Variants in VOPP1 observed in about 807,000 individuals in gnomAD.
VOPP1 encodes the protein VOPP1 WW domain binding protein.
VOPP1 carries 8 observed loss-of-function variants against 23.5 expected under a neutral mutation model. That is an observed-to-expected ratio of 0.34 (90% CI 0.20 to 0.61). The LOEUF is 0.61. Ranked by LOEUF, VOPP1 falls within the 20% of genes least tolerant of loss-of-function variation. VOPP1 has a pLI of 0.78. For synonymous variants in VOPP1, 83 were observed against 97.3 expected (o/e 0.85, Z 0.86); for missense variants, 174 against 238.1 (o/e 0.73, Z 1.77).
At chr7:55,556,030 G>T (rs568807174) in intron 1 of VOPP1, among the ~76,000 whole-genome samples, 1 of 152,208 alleles carries the variant, frequency 6.6e-6, no homozygotes, top group African/African-American at 2.4e-5. Flanking sequence ...GAGAACATGG[G>T]TATGTGCTGG....
intron 3 of VOPP1, among the ~76,000 whole-genome samples, chr7:55,496,511 AG>A (rs1221974298): frequency 1.3e-5 from 2 of 152,202 alleles, no homozygotes; most frequent in Admixed American, 6.5e-5. Context: ...CTCCCTTGTT[AG>A]GGGGGTACAC....
intron 2 of VOPP1, 143 bp downstream of exon 2, chr7:55,520,929 C>T: frequency 1.3e-6 from 1 of 788,848 alleles, no homozygotes; most frequent in East Asian, 2.7e-5. Context: ...ACCTGCTCAT[C>T]CCCCAGTGAG....
chr7:55,465,838 T>A (rs138327564), downstream of VOPP1, among the ~76,000 whole-genome samples: 291 of 152,246 alleles, frequency 1.9e-3, 1 homozygote, highest in African/African-American at 6.6e-3. Flanking sequence ...CACAGTTAGG[T>A]CCACAGGGAC....
chr7:55,561,837 G>T, intron 1 of VOPP1: 2 of 648,576 alleles, frequency 3.1e-6, no homozygotes, highest in Non-Finnish European at 5.6e-6. Context: ...TGCCCAAGTC[G>T]GGGACTTAAC....
chr7:55,467,089 A>G (rs1484568460), downstream of VOPP1, among the ~76,000 whole-genome samples: 1 of 152,180 alleles, frequency 6.6e-6, no homozygotes, highest in East Asian at 1.9e-4. Context: ...TCACATTCCT[A>G]TGGGAATCTA....
At chr7:55,442,627 A>G (rs975757319) in intron 4 of VOPP1, among the ~76,000 whole-genome samples, 6 of 149,728 alleles carry the variant, frequency 4.0e-5, no homozygotes, top group Non-Finnish European at 8.9e-5. Flanking sequence ...TTCTAATGGA[A>G]ATACACACCA....
chr7:55,492,250 G>T, intron 4 of VOPP1, 32 bp downstream of exon 4: 3 of 1,594,214 alleles, frequency 1.9e-6, no homozygotes, highest in Non-Finnish European at 2.6e-6. Flanking sequence ...CACACACTGT[G>T]GGGAGGAGAG....
chr7:55,487,149 A>C (rs1263494904), intron 4 of VOPP1, among the ~76,000 whole-genome samples: 1 of 152,196 alleles, frequency 6.6e-6, no homozygotes, highest in Non-Finnish European at 1.5e-5. Flanking sequence ...TTAAACTGTC[A>C]AAACACCCTC....
At chr7:55,531,736 A>AG (rs1255316353) in intron 1 of VOPP1, among the ~76,000 whole-genome samples, 2 of 152,218 alleles carry the variant, frequency 1.3e-5, no homozygotes, top group Non-Finnish European at 2.9e-5. Flanking sequence ...GCCACCTCCT[A>AG]GTCTATGATT....
chr7:55,437,940 G>T (rs1374709384), intron 4 of VOPP1, among the ~76,000 whole-genome samples: 2 of 150,898 alleles, frequency 1.3e-5, no homozygotes, highest in African/African-American at 4.9e-5. Context: ...TGTCGCCCAG[G>T]CTGGAGTACA....
At chr7:55,555,135 T>C (rs1478022738) in intron 1 of VOPP1, among the ~76,000 whole-genome samples, 2 of 152,170 alleles carry the variant, frequency 1.3e-5, no homozygotes, top group African/African-American at 4.8e-5. Flanking sequence ...GAACCAGTCT[T>C]AAAATAAATT....
At chr7:55,563,243 ATAT>A (rs1194736755) in intron 1 of VOPP1, among the ~76,000 whole-genome samples, 7 of 152,358 alleles carry the variant, frequency 4.6e-5, no homozygotes, top group African/African-American at 1.7e-4. Context: ...GCATAAATAT[ATAT>A]TATTAGAAGA....
intron 1 of VOPP1, chr7:55,552,502 G>C (rs1266527491): frequency 1.5e-5 from 20 of 1,304,022 alleles, no homozygotes; most frequent in Non-Finnish European, 1.8e-5. Context: ...CACTCACACA[G>C]GATGGATCTC....
intron 1 of VOPP1, chr7:55,571,590 T>A (rs1214565686): frequency 6.6e-6 from 1 of 152,142 alleles, no homozygotes; most frequent in Non-Finnish European, 1.5e-5. Context: ...GCAGCCGCGG[T>A]CCCCGCCAGG....
intron 2 of VOPP1, among the ~76,000 whole-genome samples, chr7:55,508,968 A>G (rs1301733455): frequency 6.6e-6 from 1 of 152,114 alleles, no homozygotes; most frequent in East Asian, 1.9e-4. Flanking sequence ...GCTTGAGTCA[A>G]GGGGTTTGAG....
chr7:55,541,142 G>T (rs1021682354), intron 1 of VOPP1, among the ~76,000 whole-genome samples: 1 of 152,190 alleles, frequency 6.6e-6, no homozygotes, highest in Non-Finnish European at 1.5e-5. Context: ...AGTGGGTACA[G>T]GGTTTCTTTG....
intron 4 of VOPP1, among the ~76,000 whole-genome samples, chr7:55,457,555 T>C (rs1791398350): frequency 6.6e-6 from 1 of 152,156 alleles, no homozygotes. Flanking sequence ...CCATAATGAC[T>C]GTAGTGATTT....
rs994282882 is a variant in VOPP1 at position 55,525,213 on chromosome 7, G to C, written c.55-4083C>G. ...TTTGTAAGAGTACAGACTCTCGGCC[G>C]GGCGCGGTGGCTCAAGCCTGTAATC... On this transcript the variant is annotated intron_variant, in intron 1 of 4. Coordinates refer to ENST00000285279, the MANE Select transcript of VOPP1 (RefSeq NM_030796.5). Among the ~76,000 whole-genome samples the C allele has an allele frequency of 2.0e-5, 3 of 152,052 alleles. No individual in the cohort carries two copies. The South Asian group carries it at 6.2e-4, about 32-fold the overall frequency.
intron 1 of VOPP1, among the ~76,000 whole-genome samples, chr7:55,528,957 T>C (rs1796340426): frequency 6.6e-6 from 1 of 152,186 alleles, no homozygotes; most frequent in Non-Finnish European, 1.5e-5. Flanking sequence ...GGAGAAAGAA[T>C]GTAACAGCAT....
Sources: allele counts gnomAD v4.1 joint callset (sites outside exome capture counted in the v4.1 genomes callset), GRCh38; gene constraint gnomAD v4.1.1; transcripts MANE v1.5; gene names NCBI Gene and HGNC (gene_info 2026-07-23, HGNC 2026-07-21).